The following PRKD2 variants were observed in gnomAD, a reference collection of about 807,000 sequenced individuals.
PRKD2 encodes the protein protein kinase D2, also known as serine/threonine-protein kinase D2.
A neutral mutation model predicts 86.0 loss-of-function variants in PRKD2; 22 were observed. The ratio of observed to expected loss-of-function variants is 0.26; its 90% CI spans 0.18 to 0.37. The LOEUF (loss-of-function observed/expected upper bound fraction) is 0.37. Among genes scored for constraint, PRKD2 ranks in the 10% least tolerant of loss-of-function variants. The pLI is 1.00. For synonymous variants in PRKD2, 509 were observed against 510.9 expected (o/e 1.00, Z 0.05); for missense variants, 818 against 1,199.2 (o/e 0.68, Z 4.70).
chr19:46,690,136 G>C (rs1031812990), intron 13 of PRKD2, among the ~76,000 whole-genome samples: 1 of 152,110 alleles, frequency 6.6e-6, no homozygotes, highest in Non-Finnish European at 1.5e-5. Flanking sequence ...CTGCACATCT[G>C]TATCTTTTAA....
intron 3 of PRKD2, among the ~76,000 whole-genome samples, chr19:46,708,055 G>A (rs894945516): frequency 6.6e-6 from 1 of 152,046 alleles, no homozygotes; most frequent in East Asian, 1.9e-4. Context: ...CTGAGATCGC[G>A]CCACTGCACT....
chr19:46,689,713 G>A lies in PRKD2; in HGVS notation c.1810-15C>T. Reference sequence around the variant, plus strand: ...TGCCGCAGGCTCTGCAGGGTGGGGAGCGGGGTCAGGGCCCAGGTAACCCAC... The same window carrying A: ...TGCCGCAGGCTCTGCAGGGTGGGGAACGGGGTCAGGGCCCAGGTAACCCAC... On this transcript the variant is annotated splice_polypyrimidine_tract_variant and intron_variant, in intron 13 of 17. Transcript: ENST00000291281. 2 of 1,613,810 alleles carry A rather than the reference G, an allele frequency of 1.2e-6. No homozygotes were observed. The highest frequency in any genetic ancestry group is 1.7e-6 in the Non-Finnish European group (2 of 1,179,858).
At chr19:46,701,481 C>T (rs995441549) in intron 5 of PRKD2, among the ~76,000 whole-genome samples, 1 of 151,280 alleles carries the variant, frequency 6.6e-6, no homozygotes, top group Non-Finnish European at 1.5e-5. Flanking sequence ...ATTAGCTGGG[C>T]GTGGGACTAC....
chr19:46,688,291 C>T (rs545597510), intron 14 of PRKD2, among the ~76,000 whole-genome samples: 1 of 152,158 alleles, frequency 6.6e-6, no homozygotes, highest in East Asian at 1.9e-4. Context: ...GTGTACCCCA[C>T]CATGCCTGAC....
In PRKD2 at chr19:46,693,444, G is replaced by A. The variant is rs1398358586; in HGVS notation, c.1576+431C>T. On this transcript the variant is annotated intron_variant, in intron 10 of 17. Coordinates refer to ENST00000291281, the MANE Select transcript of PRKD2 (RefSeq NM_016457.5). The surrounding 1 kb of genome is among the most constrained non-coding windows in gnomAD (Gnocchi z 4.5). ...CAGAGATTTGTTGTGGATTTTTGTT[G>A]TTGTTGTTTTTTCTGTTTTGGAGAC... 6.6e-6 allele frequency among the ~76,000 whole-genome samples: 1 copy of A among 152,054 alleles called. No individual in the cohort carries two copies. Among genetic ancestry groups the A allele is most frequent in the African/African-American group, 2.4e-5 (1 of 41,406 alleles).
chr19:46,703,376 C>T (rs541703771), intron 5 of PRKD2, among the ~76,000 whole-genome samples: 2 of 152,130 alleles, frequency 1.3e-5, no homozygotes, highest in Non-Finnish European at 2.9e-5. Context: ...CCTGTAATCC[C>T]AGCACTTTGG....
At chr19:46,691,052 A>C (rs314673) in intron 12 of PRKD2, among the ~76,000 whole-genome samples, 117,733 of 152,032 alleles carry the variant, frequency 0.77, 46,050 homozygotes, top group African/African-American at 0.89. Flanking sequence ...CAGACTGACC[A>C]TATTATACAG....
At chr19:46,695,289 C>CGCCTGACCA in intron 9 of PRKD2, among the ~76,000 whole-genome samples, 1 of 152,202 alleles carries the variant, frequency 6.6e-6, no homozygotes, top group African/African-American at 2.4e-5. Flanking sequence ...GTTCGAGACC[C>CGCCTGACCA]GCCTGACCAA....
At position 46,678,661 on chromosome 19, in the gene PRKD2, CACCTGCAGAGG is replaced by C; in HGVS notation, c.2071-9_2072del. ...GAGCAAAGCCAAAGTCACACAGCTT[CACCTGCAGAGG>C]GCAAGGGATGGAGGCTCCACCAGGT... On this transcript the variant is annotated splice_acceptor_variant and splice_polypyrimidine_tract_variant and coding_sequence_variant and intron_variant, in exon 16 of 18. Coordinates refer to ENST00000291281, the MANE Select transcript of PRKD2 (RefSeq NM_016457.5). LOFTEE classifies it high-confidence loss of function. The surrounding 1 kb of genome is among the most constrained non-coding windows in gnomAD (Gnocchi z 5.7). The C allele has an allele frequency of 6.2e-7, 1 of 1,602,578 alleles. No individual in the cohort carries two copies. The highest frequency in any genetic ancestry group is 8.5e-7 in the Non-Finnish European group (1 of 1,179,134).
At chr19:46,692,040 A>C in intron 10 of PRKD2, 55 bp from the exon 11 acceptor site, 161 of 1,537,000 alleles carry the variant, frequency 1.0e-4, no homozygotes, top group Non-Finnish European at 1.4e-4. Context: ...GATTATCTCC[A>C]CCCATACCTG....
Position 46,710,956 on chromosome 19 carries a change from G to A in PRKD2, c.462C>T (p.His154=). The A allele has an allele frequency of 2.5e-6, 4 of 1,577,154 alleles. No homozygotes were observed. Among genetic ancestry groups the A allele is most frequent in the Non-Finnish European group, 3.4e-6 (4 of 1,161,444 alleles). ...HSYRAPAFCD[H]CGEMLFGLVR... is the part of the protein sequence containing the mutation. ...CTAGGCCGAAGAGCATCTCCCCGCA[G>A]TGATCACAGAAGGCAGGCGCCCGAT... Residue 154 remains histidine, a synonymous_variant, in exon 3 of 18, where the codon CAC becomes CAT. Coordinates refer to ENST00000291281, the MANE Select transcript of PRKD2 (RefSeq NM_016457.5).
At position 46,704,508 on chromosome 19, in the gene PRKD2, G is replaced by C; in HGVS notation, c.653C>G (p.Thr218Arg). 6.2e-7 allele frequency: 1 copy of C among 1,614,130 alleles called. No individual in the cohort carries two copies. The highest frequency in any genetic ancestry group is 8.5e-7 in the Non-Finnish European group (1 of 1,180,012). Reference protein sequence around the residue: ...RLGTSESLPCTAEELSRSTTE... With the variant: ...RLGTSESLPCRAEELSRSTTE... The stretch of plus-strand genomic sequence containing the variant: ...CCATCTCCTCACCAGCTCTTCAGCC[G>C]TGCAGGGCAGGGACTCGGAGGTGCC... The change falls in exon 4 of 18, where the codon ACG (threonine) becomes AGG (arginine). Residue 218 changes from threonine (T) to arginine (R), a missense_variant. Thr to Arg is a moderately conservative substitution (Grantham distance 71, BLOSUM62 -1). Transcript: ENST00000291281.
chr19:46,676,808 C>T (rs2053211369), intron 16 of PRKD2, among the ~76,000 whole-genome samples: 1 of 152,150 alleles, frequency 6.6e-6, no homozygotes, highest in Admixed American at 6.6e-5. Context: ...GCCTGCAATC[C>T]CAGCACTTTG....
chr19:46,713,822 C>T (rs1484274150), intron 2 of PRKD2, 41 bp downstream of exon 2: 3 of 1,381,206 alleles, frequency 2.2e-6, no homozygotes, highest in Non-Finnish European at 2.0e-6. Flanking sequence ...TGCCCCGCCC[C>T]CACCCGAGGC....
chr19:46,700,719 C>T (rs2053623073), intron 7 of PRKD2, 80 bp downstream of exon 7: 2 of 1,522,892 alleles, frequency 1.3e-6, no homozygotes, highest in Non-Finnish European at 1.8e-6. Flanking sequence ...TGATGTCAGC[C>T]CATTGTAGAG....
intron 3 of PRKD2, among the ~76,000 whole-genome samples, chr19:46,708,696 A>C (rs1347921111): frequency 6.6e-6 from 1 of 152,200 alleles, no homozygotes; most frequent in Non-Finnish European, 1.5e-5. Flanking sequence ...TCTGCAAGGC[A>C]GGAAAGCAGG....
At position 46,678,168 on chromosome 19, in the gene PRKD2, C is replaced by A. The variant is rs867282022; in HGVS notation, c.2338+228G>T. Among the ~76,000 whole-genome samples, 1 of 152,178 alleles carries A rather than the reference C, an allele frequency of 6.6e-6. No homozygotes were observed. The highest frequency in any genetic ancestry group is 2.4e-5 in the African/African-American group (1 of 41,440). On this transcript the variant is annotated intron_variant, in intron 16 of 17. Transcript: ENST00000291281. This position sits in a 1 kb window ranked among gnomAD's most constrained non-coding sequence, Gnocchi z 5.7. ...CCAAGTGTCCTCAGCGCTTCTGGGG[C>A]ACTTGGTTTCCAGCCCAAGTAACCT...
chr19:46,681,839 C>T, intron 14 of PRKD2, 91 bp from the exon 15 acceptor site: 18 of 485,964 alleles, frequency 3.7e-5, no homozygotes, highest in Non-Finnish European at 4.7e-5. Context: ...CCCATCCATA[C>T]TTTTTTTTTT....
chr19:46,681,659 T>G lies in PRKD2; in HGVS notation c.2061A>C (p.Pro687=), dbSNP rs1331732811. The change falls in exon 15 of 18, where the codon CCA becomes CCC. Residue 687 remains proline, a synonymous_variant. Coordinates refer to ENST00000291281, the MANE Select transcript of PRKD2 (RefSeq NM_016457.5). ...PENVLLASAD[P]FPQVKLCDFG... is the part of the protein sequence containing the mutation. Reference sequence around the variant, plus strand: ...AGGGGACATAACTGACCTGAGGAAATGGGTCTGCTGATGCCAGCAACACGT... The same window carrying G: ...AGGGGACATAACTGACCTGAGGAAAGGGGTCTGCTGATGCCAGCAACACGT... 14 of 1,383,008 alleles carry G rather than the reference T, an allele frequency of 1.0e-5. No individual in the cohort carries two copies. Among genetic ancestry groups the G allele is most frequent in the Non-Finnish European group, 1.3e-5 (14 of 1,043,506 alleles). 85.7% of individuals were successfully genotyped at this position (1,383,008 alleles called of 1,614,324 possible). A position where few individuals can be genotyped will look rare whatever the true frequency, so the allele number is the denominator to read the frequency against.
Sources: allele counts gnomAD v4.1 joint callset (sites outside exome capture counted in the v4.1 genomes callset), GRCh38; gene constraint gnomAD v4.1.1; non-coding constraint Gnocchi (gnomAD v3.1); transcripts MANE v1.5; gene names NCBI Gene and HGNC (gene_info 2026-07-23, HGNC 2026-07-21).